Variants in NEBL observed in about 807,000 individuals in gnomAD.
The protein encoded by NEBL is nebulette.
A neutral mutation model predicts 140.2 loss-of-function variants in NEBL; 122 were observed. The observed-to-expected ratio is 0.87, with a 90% CI of 0.75 to 1.01. The LOEUF is 1.01. Ranked by LOEUF, NEBL falls within the 50% of genes least tolerant of loss-of-function variation. The pLI is 0.00. For synonymous variants in NEBL, 436 were observed against 398.9 expected, an observed-to-expected ratio of 1.09 and a Z score of -1.11; for missense variants, 1,365 against 1,231.3, an observed-to-expected ratio of 1.11 and a Z score of -1.62.
chr10:21,111,054 T>C (rs986209519), intron 2 of NEBL: 1 of 274,296 alleles, frequency 3.6e-6, no homozygotes, highest in Non-Finnish European at 7.2e-6. Flanking sequence ...AAGGACCCCT[T>C]CAAGGAGAAC....
chr10:21,259,174 G>A (rs911115462), intron 1 of NEBL, among the ~76,000 whole-genome samples: 50 of 151,398 alleles, frequency 3.3e-4, no homozygotes, highest in African/African-American at 1.1e-3. Context: ...TGCAAACTCC[G>A]CCTCTTAGGT....
intron 2 of NEBL, among the ~76,000 whole-genome samples, chr10:21,159,910 A>G (rs1840485705): frequency 6.6e-6 from 1 of 152,204 alleles, no homozygotes; most frequent in Non-Finnish European, 1.5e-5. Context: ...GAGGTCATAA[A>G]TATTCCCCTG....
intron 2 of NEBL, among the ~76,000 whole-genome samples, chr10:21,087,725 T>C (rs1836705470): frequency 6.6e-6 from 1 of 152,248 alleles, no homozygotes; most frequent in African/African-American, 2.4e-5. Context: ...TGGAAATTAC[T>C]TCATGATTTC....
At chr10:21,074,166 A>C (rs1427751442) in intron 2 of NEBL, among the ~76,000 whole-genome samples, 1 of 151,904 alleles carries the variant, frequency 6.6e-6, no homozygotes, top group African/African-American at 2.4e-5. Context: ...TCAAATCCTC[A>C]CCCTTTCAGG....
intron 2 of NEBL, among the ~76,000 whole-genome samples, chr10:21,079,920 T>TGAACAATGACCAATATAGAATCCTC (rs1836289162): frequency 6.6e-6 from 1 of 152,212 alleles, no homozygotes; most frequent in Admixed American, 6.5e-5. Flanking sequence ...CTAGAAGCCT[T>TGAACAATGACCAATATAGAATCCTC]GAACAATGAC....
chr10:21,119,505 A>G (rs1030236401), intron 2 of NEBL, among the ~76,000 whole-genome samples: 3 of 149,302 alleles, frequency 2.0e-5, no homozygotes, highest in Non-Finnish European at 4.4e-5. Context: ...TATAACATAT[A>G]TAGTTATATT....
intron 2 of NEBL, among the ~76,000 whole-genome samples, chr10:21,103,781 G>T (rs750779141): frequency 3.3e-5 from 5 of 151,790 alleles, no homozygotes; most frequent in Non-Finnish European, 5.9e-5. Context: ...AAAAGAAAAA[G>T]GTTTTCATTT....
chr10:21,270,373 T>A (rs1358614792), intron 1 of NEBL, among the ~76,000 whole-genome samples: 2 of 104,882 alleles, frequency 1.9e-5, no homozygotes, highest in Non-Finnish European at 3.7e-5. Flanking sequence ...TCCATATTTT[T>A]TTTTTTTTTT....
intron 3 of NEBL, among the ~76,000 whole-genome samples, chr10:20,979,112 C>A (rs1470018892): frequency 6.6e-6 from 1 of 151,970 alleles, no homozygotes; most frequent in Non-Finnish European, 1.5e-5. Flanking sequence ...AATATGAAAT[C>A]TTTTATTAAA....
At chr10:20,914,251 C>T (rs756925027) in intron 4 of NEBL, among the ~76,000 whole-genome samples, 13 of 152,210 alleles carry the variant, frequency 8.5e-5, no homozygotes, top group African/African-American at 2.6e-4. Context: ...TCGGGTGGGT[C>T]GCTATTATTC....
At chr10:21,254,404 G>A (rs967294875) in intron 1 of NEBL, among the ~76,000 whole-genome samples, 1 of 152,024 alleles carries the variant, frequency 6.6e-6, no homozygotes, top group Non-Finnish European at 1.5e-5. Context: ...TTACGGGCAT[G>A]AGCCACCATA....
intron 3 of NEBL, among the ~76,000 whole-genome samples, chr10:20,988,535 TC>T (rs911472237): frequency 5.9e-5 from 9 of 151,972 alleles, no homozygotes; most frequent in South Asian, 2.1e-4. Context: ...ATAAGTCCTA[TC>T]CCCCCTTGCC....
Position 21,007,111 on chromosome 10 carries a change from G to GAA in NEBL, c.249+13004_249+13005dup, listed in dbSNP as rs113491557. Among the ~76,000 whole-genome samples the GAA allele has an allele frequency of 2.3e-3, 337 of 148,168 alleles. 1 individual carries two copies. The highest frequency in any genetic ancestry group is 7.7e-3 in the African/African-American group (312 of 40,566). On this transcript the variant is annotated intron_variant, in intron 3 of 6. Transcript: ENST00000417816. ...AGAGGAGAAAGCCGAATGAAATACAGAAAAAAAAAACTGTTCACAGAATTT... is the reference window on the plus strand; with the variant it reads ...AGAGGAGAAAGCCGAATGAAATACAGAAAAAAAAAAAACTGTTCACAGAATTT...
rs190865986 is a variant in NEBL at position 21,032,451 on chromosome 10, A to G, written c.165-12250T>C. ...TTCCTGTAGTGTTGATGCGATGTCT[A>G]TTCATGAATTTCCTTCCACAGCCAT... On this transcript the variant is annotated intron_variant, in intron 2 of 6. Transcript: ENST00000417816. 2.0e-5 allele frequency among the ~76,000 whole-genome samples: 3 copies of G among 152,300 alleles called. No homozygotes were observed. The East Asian group carries it at 5.8e-4, about 29-fold the overall frequency.
At chr10:21,164,819 A>G (rs559855271) in intron 2 of NEBL, among the ~76,000 whole-genome samples, 1 of 152,350 alleles carries the variant, frequency 6.6e-6, no homozygotes, top group Admixed American at 6.5e-5. Flanking sequence ...TTTGTTTTCA[A>G]TCATCCAATT....
chr10:21,052,194 T>C (rs563876473), intron 2 of NEBL, among the ~76,000 whole-genome samples: 1 of 152,332 alleles, frequency 6.6e-6, no homozygotes, highest in African/African-American at 2.4e-5. Flanking sequence ...TGCAATGAGC[T>C]GTCACCCTCC....
At chr10:21,282,058 G>C (rs1057269184) in intron 1 of NEBL, among the ~76,000 whole-genome samples, 2 of 152,158 alleles carry the variant, frequency 1.3e-5, no homozygotes, top group African/African-American at 4.8e-5. Context: ...TCCTATAGAT[G>C]CAAGTGTGGG....
chr10:20,863,608 C>T (rs788995), intron 7 of NEBL, among the ~76,000 whole-genome samples: 33,493 of 151,996 alleles, frequency 0.22, 4,129 homozygotes, highest in East Asian at 0.43. Flanking sequence ...TGCAAAATAA[C>T]GTCTTACTGA....
At chr10:21,225,850 T>C (rs1455591426) in intron 3 of NEBL, among the ~76,000 whole-genome samples, 1 of 152,098 alleles carries the variant, frequency 6.6e-6, no homozygotes, top group Non-Finnish European at 1.5e-5. Flanking sequence ...AATTGGGGCC[T>C]CCAGGAGCCC....
Sources: allele counts gnomAD v4.1 joint callset (sites outside exome capture counted in the v4.1 genomes callset), GRCh38; gene constraint gnomAD v4.1.1; transcripts MANE v1.5; gene names NCBI Gene and HGNC (gene_info 2026-07-23, HGNC 2026-07-21).